Variants in TENM3 observed in about 807,000 individuals in gnomAD.
TENM3 encodes the protein teneurin transmembrane protein 3.
TENM3 carries 63 observed loss-of-function variants against 255.1 expected under a neutral mutation model. The ratio of observed to expected loss-of-function variants is 0.25; its 90% CI spans 0.20 to 0.30. The LOEUF is 0.30. TENM3 is among the 10% of genes least tolerant of loss of function. The probability of loss-of-function intolerance (pLI) is 1.00; values close to 1 mark genes in which losing one functional copy is unlikely to be tolerated. For synonymous variants in TENM3, 1,306 were observed against 1,322.3 expected (o/e 0.99, Z 0.27); for missense variants, 2,929 against 3,461.1 (o/e 0.85, Z 3.86).
the TENM3 span, among the ~76,000 whole-genome samples, chr4:181,480,026 A>G: frequency 6.6e-6 from 1 of 152,162 alleles, no homozygotes; most frequent in South Asian, 2.1e-4. Context: ...ATGATCACAA[A>G]GTACAAATCA....
At chr4:181,605,628 G>A in the TENM3 span, among the ~76,000 whole-genome samples, 2 of 149,716 alleles carry the variant, frequency 1.3e-5, no homozygotes, top group Non-Finnish European at 3.0e-5. Flanking sequence ...GAAAGAACAA[G>A]CAAACCAGCA....
At chr4:182,569,811 T>C (rs1744183805) in intron 3 of TENM3, among the ~76,000 whole-genome samples, 3 of 152,182 alleles carry the variant, frequency 2.0e-5, no homozygotes, top group Admixed American at 1.3e-4. Context: ...GTAAATTTGA[T>C]AACTGCTAGT....
chr4:182,628,566 A>T lies in TENM3; in HGVS notation c.750-85A>T, dbSNP rs1751049728. On this transcript the variant is annotated intron_variant, in intron 4 of 27. Transcript: ENST00000511685. Reference sequence around the variant, plus strand: ...AAAAAAGAGAGAGAGAGCAAAAGAGACAGGAGAGCTAAATGCATCGCTGTC... The same window carrying T: ...AAAAAAGAGAGAGAGAGCAAAAGAGTCAGGAGAGCTAAATGCATCGCTGTC... 1.2e-5 allele frequency: 10 copies of T among 820,410 alleles called. No individual in the cohort carries two copies. In the East Asian group the frequency reaches 2.7e-4, roughly 22 times the overall value. The allele number at this position is 820,410 out of a possible 1,614,324, so 50.8% of individuals were successfully genotyped here. A position where few individuals can be genotyped will look rare whatever the true frequency, so the allele number is the denominator to read the frequency against.
the TENM3 span, among the ~76,000 whole-genome samples, chr4:182,135,296 T>G: frequency 6.6e-6 from 1 of 151,514 alleles, no homozygotes; most frequent in African/African-American, 2.4e-5. Flanking sequence ...GTTAGAAATA[T>G]CTTTCTTTGT....
chr4:182,673,327 A>G (rs1266774689), intron 7 of TENM3, 108 bp downstream of exon 7: 1 of 727,102 alleles, frequency 1.4e-6, no homozygotes, highest in Non-Finnish European at 2.2e-6. Flanking sequence ...ACGACTTTTG[A>G]ATCGACTTTC....
the TENM3 span, among the ~76,000 whole-genome samples, chr4:181,914,181 A>G: frequency 9.0e-4 from 137 of 152,296 alleles, no homozygotes; most frequent in Admixed American, 2.1e-3. Flanking sequence ...AGTTCTCCCA[A>G]TTGAGGTGAC....
chr4:182,002,226 A>G, the TENM3 span, among the ~76,000 whole-genome samples: 52,832 of 151,888 alleles, frequency 0.35, 9,537 homozygotes, highest in Middle Eastern at 0.42. Context: ...AAGCATGTTT[A>G]CTTGAACTCA....
chr4:182,218,972 C>G (rs1031229456), intron 1 of TENM3, among the ~76,000 whole-genome samples: 22 of 152,350 alleles, frequency 1.4e-4, no homozygotes, highest in Admixed American at 1.0e-3. Flanking sequence ...CGCCTGTAAT[C>G]CCAGCACTGG....
the TENM3 span, among the ~76,000 whole-genome samples, chr4:181,737,339 A>G: frequency 6.6e-6 from 1 of 152,176 alleles, no homozygotes; most frequent in Non-Finnish European, 1.5e-5. Flanking sequence ...CTATGAAGCT[A>G]CACATTTAAG....
the TENM3 span, among the ~76,000 whole-genome samples, chr4:181,701,184 G>A: frequency 2.0e-5 from 3 of 152,150 alleles, no homozygotes; most frequent in Non-Finnish European, 4.4e-5. Flanking sequence ...GTTCAACAGA[G>A]GCACTCTCCC....
intron 13 of TENM3, among the ~76,000 whole-genome samples, chr4:182,727,319 G>A (rs1760281931): frequency 6.6e-6 from 1 of 152,086 alleles, no homozygotes; most frequent in African/African-American, 2.4e-5. Context: ...AGCCAGGCAT[G>A]GTGGCAGGTG....
the TENM3 span, among the ~76,000 whole-genome samples, chr4:181,944,654 G>A: frequency 5.9e-5 from 9 of 151,984 alleles, no homozygotes; most frequent in African/African-American, 1.2e-4. Context: ...CGGAGCCACC[G>A]TGCCCCTCTC....
At chr4:181,837,748 A>G in the TENM3 span, among the ~76,000 whole-genome samples, 1 of 152,196 alleles carries the variant, frequency 6.6e-6, no homozygotes, top group Non-Finnish European at 1.5e-5. Context: ...AAAGTGGCTC[A>G]TAACACTTCT....
At chr4:181,958,563 G>A in the TENM3 span, among the ~76,000 whole-genome samples, 1 of 152,022 alleles carries the variant, frequency 6.6e-6, no homozygotes, top group Non-Finnish European at 1.5e-5. Flanking sequence ...TTTGAAGCTG[G>A]GCATGTTGTC....
the TENM3 span, among the ~76,000 whole-genome samples, chr4:182,036,773 C>T: frequency 2.0e-5 from 3 of 152,212 alleles, no homozygotes; most frequent in East Asian, 5.8e-4. Flanking sequence ...AAGTGAGCCC[C>T]TAAAAAAGTT....
At chr4:182,028,659 T>C in the TENM3 span, among the ~76,000 whole-genome samples, 1 of 152,200 alleles carries the variant, frequency 6.6e-6, no homozygotes, top group Non-Finnish European at 1.5e-5. Flanking sequence ...CTATCATTTG[T>C]TTCAAGAAAT....
chr4:181,700,336 T>A, the TENM3 span, among the ~76,000 whole-genome samples: 6 of 152,034 alleles, frequency 3.9e-5, no homozygotes, highest in African/African-American at 1.4e-4. Flanking sequence ...TTGATTTTAA[T>A]CAAGTTAAAA....
intron 4 of TENM3, among the ~76,000 whole-genome samples, chr4:182,617,596 A>T (rs1749658948): frequency 6.6e-6 from 1 of 152,214 alleles, no homozygotes; most frequent in African/African-American, 2.4e-5. Flanking sequence ...AAATTTCCTC[A>T]GCTCTTAAGT....
intron 3 of TENM3, among the ~76,000 whole-genome samples, chr4:182,549,913 A>T (rs1741832800): frequency 6.6e-6 from 1 of 152,224 alleles, no homozygotes; most frequent in South Asian, 2.1e-4. Flanking sequence ...TAGGCAAGAA[A>T]ATAAGAAATG....
Sources: allele counts gnomAD v4.1 joint callset (sites outside exome capture counted in the v4.1 genomes callset), GRCh38; gene constraint gnomAD v4.1.1; transcripts MANE v1.5; gene names NCBI Gene and HGNC (gene_info 2026-07-23, HGNC 2026-07-21).